The following SLC12A4 variants were observed in gnomAD, a reference collection of about 807,000 sequenced individuals.
SLC12A4 encodes solute carrier family 12 member 4, also known as electroneutral potassium-chloride cotransporter 1.
A neutral mutation model predicts 119.2 loss-of-function variants in SLC12A4; 84 were observed. That is an observed-to-expected ratio of 0.70 (90% CI 0.59 to 0.85). SLC12A4 has a LOEUF of 0.85. Among genes scored for constraint, SLC12A4 ranks in the 40% least tolerant of loss-of-function variants. SLC12A4 has a pLI of 0.00. For synonymous variants in SLC12A4, 599 were observed against 604.6 expected (o/e 0.99, Z 0.14); for missense variants, 1,298 against 1,476.3 (o/e 0.88, Z 1.98).
In SLC12A4 at chr16:67,946,023, G is replaced by C; in HGVS notation, c.2667C>G (p.Ile889Met). 1 of 1,614,068 alleles carries C rather than the reference G, an allele frequency of 6.2e-7. No homozygotes were observed. ...FTVAQMDDNS[I>M]QMKKDLAVFL... is the part of the protein sequence containing the mutation. ...AGACAGCCAGGTCCTTCTTCATCTG[G>C]ATGCTGTTGTCATCCATCTGGGCCA... The change falls in exon 20 of 24, where the codon ATC (isoleucine) becomes ATG (methionine). Residue 889 changes from isoleucine to methionine, a missense_variant. Physicochemically the swap from Ile to Met is conservative, Grantham distance 10. Transcript: ENST00000316341.
chr16:67,948,218 T>C, intron 13 of SLC12A4, 59 bp from the exon 14 acceptor site: 1 of 1,539,912 alleles, frequency 6.5e-7, no homozygotes, highest in Non-Finnish European at 9.0e-7. Context: ...GGACCTGATG[T>C]CAGGCTGGGC....
rs776488174 is a variant in SLC12A4 at position 67,947,703 on chromosome 16, C to T, written c.1933G>A (p.Ala645Thr). Residue 645 changes from alanine to threonine, a missense_variant, in exon 15 of 24, where the codon GCC (alanine) becomes ACC (threonine). Coordinates refer to ENST00000316341, the MANE Select transcript of SLC12A4 (RefSeq NM_005072.5). ...WYYALVAMLIAGMIYKYIEYQ... is the reference protein window; with the variant it reads ...WYYALVAMLITGMIYKYIEYQ... ...TCGATGTATTTGTAGATCATGCCGGCGATGAGCATGGCCACCAGGGCATAG... is the reference window on the plus strand; with the variant it reads ...TCGATGTATTTGTAGATCATGCCGGTGATGAGCATGGCCACCAGGGCATAG... 65 of 1,596,828 alleles carry T rather than the reference C, an allele frequency of 4.1e-5. No individual in the cohort carries two copies. The highest frequency in any genetic ancestry group is 5.0e-5 in the Non-Finnish European group (59 of 1,172,134).
intron 22 of SLC12A4, 51 bp from the exon 23 acceptor site, chr16:67,945,271 G>C: frequency 6.4e-7 from 1 of 1,556,136 alleles, no homozygotes; most frequent in Non-Finnish European, 8.7e-7. Flanking sequence ...CCTGCAAGGA[G>C]GGTCCCCACC....
intron 1 of SLC12A4, among the ~76,000 whole-genome samples, chr16:67,966,329 C>A (rs555969664): frequency 1.3e-5 from 2 of 152,364 alleles, no homozygotes; most frequent in Admixed American, 1.3e-4. Flanking sequence ...CTTCAGACCT[C>A]CTGTTCTGGC....
intron 13 of SLC12A4, among the ~76,000 whole-genome samples, chr16:67,948,805 A>G (rs1295988225): frequency 1.3e-5 from 2 of 151,406 alleles, no homozygotes; most frequent in Non-Finnish European, 2.9e-5. Context: ...CTGTGGCAAA[A>G]CAGTTTCAGG....
In SLC12A4 at chr16:67,943,522, G is replaced by A; in HGVS notation, c.*1318C>T. 2 of 519,638 alleles carry A rather than the reference G, an allele frequency of 3.8e-6. No individual in the cohort carries two copies. The highest frequency in any genetic ancestry group is 7.0e-6 in the Non-Finnish European group (2 of 285,396). 32.2% of individuals were successfully genotyped at this position (519,638 alleles called of 1,614,324 possible). ...CCAAAGTCCAAGGTGGGAACAGATA[G>A]GTCTGGGGGCATGGGGGCTGGGCCT... On this transcript the variant is annotated 3_prime_UTR_variant, in exon 24 of 24. Transcript: ENST00000316341. The surrounding 1 kb of genome is among the most constrained non-coding windows in gnomAD (Gnocchi z 4.6).
At chr16:67,959,661 C>T (rs1368304598) in intron 3 of SLC12A4, among the ~76,000 whole-genome samples, 2 of 152,218 alleles carry the variant, frequency 1.3e-5, no homozygotes, top group African/African-American at 4.8e-5. Flanking sequence ...CACAGAATAG[C>T]GACAGCAAGA....
rs370975914 is a variant in SLC12A4 at position 67,951,254 on chromosome 16, C to A, written c.1183G>T (p.Gly395Trp). The change falls in exon 9 of 24, where the codon GGG becomes TGG. Residue 395 changes from glycine (G) to tryptophan (W), a missense_variant. Gly to Trp is a radical substitution (Grantham distance 184). Transcript: ENST00000316341. The surrounding 1 kb of genome is among the most constrained non-coding windows in gnomAD (Gnocchi z 5.2). Reference protein sequence around the residue: ...LEKGDIVEKHGLPSADAPSLK... With the variant: ...LEKGDIVEKHWLPSADAPSLK... ...CTCGGGGCATCTGCGGAGGGCAGCCCATGCTTCTCCACGATGTCACCCTTC... is the reference window on the plus strand; with the variant it reads ...CTCGGGGCATCTGCGGAGGGCAGCCAATGCTTCTCCACGATGTCACCCTTC... The A allele has an allele frequency of 6.2e-7, 1 of 1,614,100 alleles. No homozygotes were observed.
At chr16:67,948,378 T>G (rs1240643266) in intron 13 of SLC12A4, among the ~76,000 whole-genome samples, 3 of 152,172 alleles carry the variant, frequency 2.0e-5, no homozygotes, top group Non-Finnish European at 4.4e-5. Context: ...GGCAAGGGTT[T>G]GCTGTTGGAG....
intron 5 of SLC12A4, among the ~76,000 whole-genome samples, chr16:67,957,169 A>AT (rs34469845): frequency 0.054 from 6,545 of 120,744 alleles, 475 homozygotes; most frequent in African/African-American, 0.17. Context: ...TGCCTGGCTA[A>AT]TTTTTTTTTT....
chr16:67,951,909 G>GT lies in SLC12A4; in HGVS notation c.1045dup (p.Thr349AsnfsTer6), dbSNP rs1483327611. ...GAAGTAGGGGTCACAGGAGTCGGTC[G>GT]TAAGGTTGGGGCTGTGGCAGAAGAA... On this transcript the variant is annotated frameshift_variant, in exon 8 of 24. Coordinates refer to ENST00000316341, the MANE Select transcript of SLC12A4 (RefSeq NM_005072.5). LOFTEE classifies it high-confidence loss of function. The surrounding 1 kb of genome is among the most constrained non-coding windows in gnomAD (Gnocchi z 5.2). 3.1e-6 allele frequency: 5 copies of GT among 1,613,882 alleles called. No individual in the cohort carries two copies. Among genetic ancestry groups the GT allele is most frequent in the Non-Finnish European group, 4.2e-6 (5 of 1,180,048 alleles).
At chr16:67,965,952 C>T (rs891869203) in intron 1 of SLC12A4, among the ~76,000 whole-genome samples, 1 of 152,170 alleles carries the variant, frequency 6.6e-6, no homozygotes, top group Non-Finnish European at 1.5e-5. Flanking sequence ...CTGCAGGTTC[C>T]GTTCCTACTA....
chr16:67,949,779 C>T lies in SLC12A4; in HGVS notation c.1748+21G>A. On this transcript the variant is annotated intron_variant, in intron 13 of 23. Transcript: ENST00000316341. The surrounding 1 kb of genome is among the most constrained non-coding windows in gnomAD (Gnocchi z 4.6). ...CAGGAAGCCTTTCCCCATCCCCCTG[C>T]CCTGCCCGGCCCCAGCTCACATGGA... The T allele has an allele frequency of 6.4e-7, 1 of 1,557,888 alleles. No individual in the cohort carries two copies. Among genetic ancestry groups the T allele is most frequent in the Non-Finnish European group, 8.8e-7 (1 of 1,133,832 alleles).
At chr16:67,954,994 C>T (rs2030171021) in intron 5 of SLC12A4, among the ~76,000 whole-genome samples, 1 of 152,212 alleles carries the variant, frequency 6.6e-6, no homozygotes, top group South Asian at 2.1e-4. Context: ...CAGCACGGCC[C>T]GTGGAAATAA....
chr16:67,952,757 C>T lies in SLC12A4; in HGVS notation c.676-332G>A, dbSNP rs200021396. ...TGAGCAGAGATCGCACCACTGCACT[C>T]CAGCCTGGGTGACAGAGGGGGACTC... On this transcript the variant is annotated intron_variant, in intron 6 of 23. Transcript: ENST00000316341. 2.9e-4 allele frequency among the ~76,000 whole-genome samples: 44 copies of T among 150,512 alleles called. No homozygotes were observed. In the East Asian group the frequency reaches 7.3e-3, roughly 25 times the overall value.
At chr16:67,955,581 T>C (rs536310094) in intron 5 of SLC12A4, among the ~76,000 whole-genome samples, 10 of 151,550 alleles carry the variant, frequency 6.6e-5, no homozygotes, top group African/African-American at 2.4e-4. Context: ...ATGATAAAAA[T>C]ATACATTTTT....
At position 67,949,388 on chromosome 16, in the gene SLC12A4, T is replaced by C. The variant is rs2058387675; in HGVS notation, c.1748+412A>G. 6.6e-6 allele frequency among the ~76,000 whole-genome samples: 1 copy of C among 151,832 alleles called. No individual in the cohort carries two copies. The highest frequency in any genetic ancestry group is 1.5e-5 in the Non-Finnish European group (1 of 67,954). On this transcript the variant is annotated intron_variant, in intron 13 of 23. Transcript: ENST00000316341. The surrounding 1 kb of genome is among the most constrained non-coding windows in gnomAD (Gnocchi z 4.6). ...ATTGCTTGAACCCAGGAGGCGGAGA[T>C]TGCAGTGAGCCAAGATCATGCCATT...
intron 5 of SLC12A4, 22 bp from the exon 6 acceptor site, chr16:67,954,795 G>A: frequency 6.2e-7 from 1 of 1,614,138 alleles, no homozygotes; most frequent in Non-Finnish European, 8.5e-7. Context: ...AAATGAAAGT[G>A]TGCACAGGTC....
At position 67,961,590 on chromosome 16, in the gene SLC12A4, G is replaced by A; in HGVS notation, c.327C>T (p.Arg109=). The change falls in exon 3 of 24, where the codon CGC becomes CGT. Residue 109 remains arginine (R), a synonymous_variant. Transcript: ENST00000316341. ...ACCAGCTCACCTCGGCTGCCCTCCG[G>A]CGGGTGCCCTCCCCACTCTCGGCCT... The part of the protein sequence containing the change: ...HEEAESGEGT[R]RRAAEAPSMG... The A allele has an allele frequency of 6.2e-7, 1 of 1,613,582 alleles. No individual in the cohort carries two copies. The highest frequency in any genetic ancestry group is 8.5e-7 in the Non-Finnish European group (1 of 1,179,998).
Sources: gnomAD v4.1 joint callset for allele counts (sites outside exome capture counted in the v4.1 genomes callset) on GRCh38, gnomAD v4.1.1 for gene constraint, Gnocchi (gnomAD v3.1) non-coding constraint, MANE v1.5 for transcripts, NCBI Gene and HGNC (gene_info 2026-07-23, HGNC 2026-07-21) for gene names.